Variants in IL7R observed in about 807,000 individuals in gnomAD.
The protein encoded by IL7R is interleukin-7 receptor subunit alpha.
In IL7R, 38 loss-of-function variants were observed where a neutral mutation model predicts 47.0. The observed-to-expected ratio is 0.81, with a 90% confidence interval of 0.62 to 1.06. The LOEUF (loss-of-function observed/expected upper bound fraction) is 1.06, where lower values mean the gene tolerates loss of function less well. Among genes scored for constraint, IL7R ranks in the 50% least tolerant of loss-of-function variants. IL7R has a pLI of 0.00. For missense variants in IL7R, 633 were observed against 534.8 expected (o/e 1.18, Z -1.81); for synonymous variants, 221 against 199.8 (o/e 1.11, Z -0.89).
rs756821231 is a variant in IL7R at position 35,871,061 on chromosome 5, C to T, written c.385C>T (p.Pro129Ser). Residue 129 changes from proline (P) to serine (S), a missense_variant, in exon 4 of 8, where the codon CCT (proline) becomes TCT (serine). Pro to Ser is a moderately conservative substitution (Grantham distance 74). Transcript: ENST00000303115. ...KKIDLTTIVK[P>S]EAPFDLSVVY... ...TATTTCTTTTTCTTTTCCAGTTAAA[C>T]CTGAGGCTCCTTTTGACCTGAGTGT... 3.1e-6 allele frequency: 5 copies of T among 1,612,560 alleles called. No individual in the cohort carries two copies. The highest frequency in any genetic ancestry group is 4.2e-6 in the Non-Finnish European group (5 of 1,178,614).
In IL7R at chr5:35,867,430, C is replaced by T. The variant is rs894868423; in HGVS notation, c.346C>T (p.Leu116=). The T allele has an allele frequency of 1.2e-6, 2 of 1,613,098 alleles. No homozygotes were observed. Among genetic ancestry groups the T allele is most frequent in the African/African-American group, 2.7e-5 (2 of 74,830 alleles). ...ATGTGTGAAGGTTGGAGAAAAGAGT[C>T]TAACCTGCAAAAAAATAGACCTAAC... The part of the protein sequence containing the change: ...NICVKVGEKS[L]TCKKIDLTTI... Residue 116 remains leucine (L), a synonymous_variant, in exon 3 of 8, where the codon CTA becomes TTA. Coordinates refer to ENST00000303115, the MANE Select transcript of IL7R (RefSeq NM_002185.5).
At position 35,876,236 on chromosome 5, in the gene IL7R, G is replaced by T. The variant is rs757426044; in HGVS notation, c.1130G>T (p.Cys377Phe). 9.9e-6 allele frequency: 16 copies of T among 1,614,030 alleles called. No individual in the cohort carries two copies. The highest frequency in any genetic ancestry group is 8.3e-5 in the Admixed American group (5 of 59,994). Residue 377 changes from cysteine (C) to phenylalanine (F), a missense_variant, in exon 8 of 8, where the codon TGT (cysteine) becomes TTT (phenylalanine). Transcript: ENST00000303115. ...LTCLAGNVSA[C>F]DAPILSSSRS... ...TGCCTGGCTGGGAATGTCAGTGCATGTGACGCCCCTATTCTCTCCTCTTCC... is the reference window on the plus strand; with the variant it reads ...TGCCTGGCTGGGAATGTCAGTGCATTTGACGCCCCTATTCTCTCCTCTTCC...
intron 6 of IL7R, 137 bp downstream of exon 6, chr5:35,874,679 T>A: frequency 1.3e-6 from 1 of 741,296 alleles, no homozygotes; most frequent in Non-Finnish European, 2.5e-6. Flanking sequence ...TCCCTATCTA[T>A]CCTCAGCGAA....
chr5:35,873,406 A>G (rs552650808), intron 4 of IL7R, 74 bp from the exon 5 acceptor site: 24 of 1,254,146 alleles, frequency 1.9e-5, no homozygotes, highest in Non-Finnish European at 2.3e-5. Flanking sequence ...AGGAATCCCA[A>G]TTGAAATGAT....
chr5:35,863,349 G>A (rs1419784172), intron 2 of IL7R, among the ~76,000 whole-genome samples: 1 of 152,050 alleles, frequency 6.6e-6, no homozygotes, highest in African/African-American at 2.4e-5. Context: ...ACAAAAGCTA[G>A]GGCACTCTCC....
Position 35,860,900 on chromosome 5 carries a change from G to T in IL7R, c.131G>T (p.Ser44Ile). The change falls in exon 2 of 8, where the codon AGC becomes ATC. Residue 44 changes from serine to isoleucine, a missense_variant. Ser to Ile is a moderately radical substitution (Grantham distance 142, BLOSUM62 -2). Transcript: ENST00000303115. ...ELDDYSFSCYSQLEVNGSQHS... is the reference protein window; with the variant it reads ...ELDDYSFSCYIQLEVNGSQHS... ...GATGACTACTCATTCTCATGCTATA[G>T]CCAGTTGGAAGTGAATGGATCGCAG... The T allele has an allele frequency of 6.2e-7, 1 of 1,613,578 alleles. No individual in the cohort carries two copies. Among genetic ancestry groups the T allele is most frequent in the Non-Finnish European group, 8.5e-7 (1 of 1,179,566 alleles).
intron 2 of IL7R, 121 bp from the exon 3 acceptor site, chr5:35,867,185 C>A (rs991603682): frequency 2.0e-5 from 17 of 834,738 alleles, no homozygotes; most frequent in African/African-American, 8.5e-5. Flanking sequence ...CTCCACTCAC[C>A]CACCCACATA....
intron 2 of IL7R, among the ~76,000 whole-genome samples, chr5:35,861,576 A>T (rs1759819633): frequency 6.6e-6 from 1 of 152,144 alleles, no homozygotes; most frequent in South Asian, 2.1e-4. Flanking sequence ...AATTCTGTGA[A>T]TATTGACCTA....
intron 2 of IL7R, among the ~76,000 whole-genome samples, chr5:35,864,905 G>C (rs1310098631): frequency 1.3e-5 from 2 of 151,992 alleles, no homozygotes; most frequent in African/African-American, 4.8e-5. Flanking sequence ...AAGTTGGGAA[G>C]ATATTTTCTC....
At position 35,876,378 on chromosome 5, in the gene IL7R, A is replaced by G. The variant is rs1444240905; in HGVS notation, c.1272A>G (p.Gly424=). ...CCCCTCCATTTTCTCTCCAATCTGG[A>G]ATCCTGACATTGAACCCAGTTGCTC... ...TLPPPFSLQS[G]ILTLNPVAQG... The change falls in exon 8 of 8, where the codon GGA becomes GGG. Residue 424 remains glycine, a synonymous_variant. Transcript: ENST00000303115. 3.1e-6 allele frequency: 5 copies of G among 1,613,680 alleles called. No individual in the cohort carries two copies. The East Asian group carries it at 1.1e-4, about 36-fold the overall frequency.
rs1332880099 is a variant in IL7R at position 35,878,057 on chromosome 5, T to A, written c.*1571T>A. The A allele has an allele frequency of 1.7e-5, 4 of 233,232 alleles. No homozygotes were observed. In the Admixed American group the frequency reaches 2.2e-4, roughly 13 times the overall value. 14.4% of individuals were successfully genotyped at this position (233,232 alleles called of 1,614,324 possible). A position where few individuals can be genotyped will look rare whatever the true frequency, so the allele number is the denominator to read the frequency against. On this transcript the variant is annotated 3_prime_UTR_variant, in exon 8 of 8. Transcript: ENST00000303115. ...GGACTAGGTGTTTCTGATATTTTAG[T>A]TTTCTTGTTTGTTTTGTTTTGTGTT...
rs1432646110 is a variant in IL7R, at chr5:35,876,631, C to T, written c.*145C>T. 6.0e-6 allele frequency: 5 copies of T among 831,638 alleles called. No homozygotes were observed. The African/African-American group carries it at 6.8e-5, about 11-fold the overall frequency. 51.5% of individuals were successfully genotyped at this position (831,638 alleles called of 1,614,324 possible). ...CAGTCTGCAAGATTCTGAAACATTG[C>T]TTTGACCACTCTTCCTGAGTTCAGT... On this transcript the variant is annotated 3_prime_UTR_variant, in exon 8 of 8. Coordinates refer to ENST00000303115, the MANE Select transcript of IL7R (RefSeq NM_002185.5).
Position 35,876,678 on chromosome 5 carries a change from G to A in IL7R, c.*192G>A. ...CAGTGGCACTCAACATGAGTCAAGA[G>A]CATCCTGCTTCTACCATGTGGATTT... is the stretch of plus-strand genomic sequence containing the variant. On this transcript the variant is annotated 3_prime_UTR_variant, in exon 8 of 8. Coordinates refer to ENST00000303115, the MANE Select transcript of IL7R (RefSeq NM_002185.5). 1 of 645,146 alleles carries A rather than the reference G, an allele frequency of 1.6e-6. No homozygotes were observed. Among genetic ancestry groups the A allele is most frequent in the Non-Finnish European group, 2.8e-6 (1 of 363,586 alleles). 40.0% of individuals were successfully genotyped at this position (645,146 alleles called of 1,614,324 possible).
At position 35,878,825 on chromosome 5, in the gene IL7R, T is replaced by C. The variant is rs6451231; in HGVS notation, c.*2339T>C. 0.69 allele frequency: 159,519 copies of C among 232,810 alleles called. 56,609 individuals are homozygous for C. The highest frequency in any genetic ancestry group is 0.88 in the African/African-American group (39,852 of 45,424). The allele number at this position is 232,810 out of a possible 1,614,324, so 14.4% of individuals were successfully genotyped here. The stretch of plus-strand genomic sequence containing the variant: ...TCCCTGGTATAAATAGACAATCTCT[T>C]GAAGAAATGAAGAGATGACCATAGA... On this transcript the variant is annotated 3_prime_UTR_variant, in exon 8 of 8. Coordinates refer to ENST00000303115, the MANE Select transcript of IL7R (RefSeq NM_002185.5).
At position 35,876,572 on chromosome 5, in the gene IL7R, A is replaced by G. The variant is rs202075594; in HGVS notation, c.*86A>G. 7.6e-6 allele frequency: 11 copies of G among 1,446,054 alleles called. No individual in the cohort carries two copies. The highest frequency in any genetic ancestry group is 8.6e-6 in the Non-Finnish European group (9 of 1,047,808). The allele number at this position is 1,446,054 out of a possible 1,614,324, so 89.6% of individuals were successfully genotyped here. On this transcript the variant is annotated 3_prime_UTR_variant, in exon 8 of 8. Transcript: ENST00000303115. ...TAGAGTTCCTAGTCTCCCTCACAGCACAGAGAAGACAAAATTAGCAAAACC... is the reference window on the plus strand; with the variant it reads ...TAGAGTTCCTAGTCTCCCTCACAGCGCAGAGAAGACAAAATTAGCAAAACC...
rs138285960 is a variant in IL7R at position 35,868,207 on chromosome 5, C to T, written c.379+744C>T. On this transcript the variant is annotated intron_variant, in intron 3 of 7. Transcript: ENST00000303115. ...TGATGAGGTGATGCCCACCACATCA[C>T]GGAAGGCAATCTACTTTACTCAAAG... Among the ~76,000 whole-genome samples the T allele has an allele frequency of 1.8e-4, 28 of 152,292 alleles. No homozygotes were observed. The East Asian group carries it at 2.3e-3, about 13-fold the overall frequency.
At chr5:35,862,487 C>T (rs570722711) in intron 2 of IL7R, among the ~76,000 whole-genome samples, 2 of 152,200 alleles carry the variant, frequency 1.3e-5, no homozygotes, top group South Asian at 4.1e-4. Context: ...AGAGCCTCCT[C>T]TATTTGGGTT....
intron 2 of IL7R, among the ~76,000 whole-genome samples, chr5:35,863,284 G>C (rs1000471252): frequency 1.3e-5 from 2 of 152,114 alleles, no homozygotes; most frequent in African/African-American, 4.8e-5. Flanking sequence ...CATGACTGTA[G>C]GAGCTTAACC....
intron 1 of IL7R, among the ~76,000 whole-genome samples, chr5:35,858,486 T>C (rs1309320559): frequency 6.6e-6 from 1 of 152,158 alleles, no homozygotes; most frequent in Non-Finnish European, 1.5e-5. Context: ...TGATACATAT[T>C]CCACACAATT....
Sources: allele counts gnomAD v4.1 joint callset (sites outside exome capture counted in the v4.1 genomes callset), GRCh38; gene constraint gnomAD v4.1.1; transcripts MANE v1.5; gene names NCBI Gene and HGNC (gene_info 2026-07-23, HGNC 2026-07-21).